Variants in ZFHX3 observed in about 807,000 individuals in gnomAD.
ZFHX3 encodes zinc finger homeobox 3, also known as zinc finger homeobox protein 3.
Under a neutral mutation model 279.1 loss-of-function variants are expected in ZFHX3, and 42 were observed. The ratio of observed to expected loss-of-function variants is 0.15; its 90% CI spans 0.12 to 0.19. The LOEUF (loss-of-function observed/expected upper bound fraction) is 0.19, where lower values mean the gene tolerates loss of function less well. Among genes scored for constraint, ZFHX3 ranks in the 10% least tolerant of loss-of-function variants. ZFHX3 has a pLI of 1.00. For missense variants in ZFHX3, 4,981 were observed against 4,754.0 expected (o/e 1.05, Z -1.40); for synonymous variants, 2,293 against 1,957.8 (o/e 1.17, Z -4.52).
At chr16:73,282,084 T>C (rs955307003) in intron 4 of ZFHX3, among the ~76,000 whole-genome samples, 1 of 152,248 alleles carries the variant, frequency 6.6e-6, no homozygotes, top group African/African-American at 2.4e-5. Flanking sequence ...TGCGCGTTTG[T>C]GTGCATCTTT....
At chr16:73,394,021 C>T (rs987790232) in intron 3 of ZFHX3, among the ~76,000 whole-genome samples, 2 of 148,334 alleles carry the variant, frequency 1.3e-5, no homozygotes, top group Non-Finnish European at 3.0e-5. Context: ...CTGTATGAAT[C>T]TAAAAACTGT....
intron 1 of ZFHX3, among the ~76,000 whole-genome samples, chr16:73,891,451 C>T (rs2030535363): frequency 6.6e-6 from 1 of 152,068 alleles, no homozygotes; most frequent in Admixed American, 6.5e-5. Context: ...CCCCACCCTC[C>T]TACCCTCCCC....
intron 2 of ZFHX3, among the ~76,000 whole-genome samples, chr16:73,566,723 T>G (rs2020456028): frequency 6.8e-6 from 1 of 146,876 alleles, no homozygotes; most frequent in Admixed American, 6.9e-5. Flanking sequence ...AGACAGAGTT[T>G]CACTCTTGTT....
At chr16:73,619,657 T>G (rs2052339343) in intron 2 of ZFHX3, among the ~76,000 whole-genome samples, 1 of 152,006 alleles carries the variant, frequency 6.6e-6, no homozygotes, top group African/African-American at 2.4e-5. Flanking sequence ...CAAGTGTATT[T>G]CTACCTTTTC....
intron 4 of ZFHX3, among the ~76,000 whole-genome samples, chr16:73,258,662 T>C (rs1487434910): frequency 6.6e-6 from 1 of 152,220 alleles, no homozygotes; most frequent in Non-Finnish European, 1.5e-5. Context: ...TGACATATTT[T>C]AAGCATTTGG....
At chr16:72,888,651 A>C (rs1319545697) in intron 4 of ZFHX3, among the ~76,000 whole-genome samples, 1 of 152,224 alleles carries the variant, frequency 6.6e-6, no homozygotes, top group Non-Finnish European at 1.5e-5. Flanking sequence ...AGCCAAGGGA[A>C]GGCAAGGGAA....
intron 1 of ZFHX3, among the ~76,000 whole-genome samples, chr16:73,704,990 T>C (rs1442978556): frequency 6.6e-6 from 1 of 152,212 alleles, no homozygotes; most frequent in Admixed American, 6.5e-5. Flanking sequence ...ACTCCCACCA[T>C]GGCTGATTTC....
chr16:73,563,192 G>C (rs2020399426), intron 2 of ZFHX3, among the ~76,000 whole-genome samples: 1 of 52,318 alleles, frequency 1.9e-5, no homozygotes, highest in African/African-American at 4.3e-5. Flanking sequence ...GTGTGTGTGT[G>C]TGTGTGTGTG....
At chr16:72,922,114 C>T (rs573927514) in intron 3 of ZFHX3, among the ~76,000 whole-genome samples, 5 of 152,338 alleles carry the variant, frequency 3.3e-5, no homozygotes, top group African/African-American at 9.6e-5. Context: ...AGCAGACCTT[C>T]GCATTTCCAC....
chr16:73,000,540 G>A (rs1963454046), intron 1 of ZFHX3, among the ~76,000 whole-genome samples: 1 of 152,152 alleles, frequency 6.6e-6, no homozygotes, highest in South Asian at 2.1e-4. Flanking sequence ...TTCGTAAGTG[G>A]TGGCATTGAG....
chr16:73,858,032 G>T (rs1482707765), intron 1 of ZFHX3, among the ~76,000 whole-genome samples: 1 of 151,634 alleles, frequency 6.6e-6, no homozygotes, highest in Non-Finnish European at 1.5e-5. Flanking sequence ...GGAGGTGGAG[G>T]TTGCAGTGAG....
At chr16:72,910,473 G>A (rs2039289979) in intron 3 of ZFHX3, among the ~76,000 whole-genome samples, 1 of 152,190 alleles carries the variant, frequency 6.6e-6, no homozygotes, top group African/African-American at 2.4e-5. Flanking sequence ...GAAGTATTTA[G>A]GTGTTTTCTC....
chr16:73,408,770 C>A (rs2017411992), intron 3 of ZFHX3, among the ~76,000 whole-genome samples: 1 of 152,018 alleles, frequency 6.6e-6, no homozygotes, highest in Non-Finnish European at 1.5e-5. Flanking sequence ...TGAGCCCTTG[C>A]TCAGAAAAGA....
intron 4 of ZFHX3, among the ~76,000 whole-genome samples, chr16:73,277,936 C>T (rs997945164): frequency 1.3e-5 from 2 of 152,052 alleles, no homozygotes; most frequent in African/African-American, 4.8e-5. Flanking sequence ...TACCTTTAAA[C>T]AACAGGATCT....
intron 1 of ZFHX3, among the ~76,000 whole-genome samples, chr16:73,739,636 G>A (rs1317620182): frequency 6.6e-6 from 1 of 152,158 alleles, no homozygotes; most frequent in African/African-American, 2.4e-5. Flanking sequence ...GTGGGGTGCA[G>A]AGTGGACTCT....
At chr16:73,566,500 G>A (rs946541255) in intron 2 of ZFHX3, among the ~76,000 whole-genome samples, 8 of 152,034 alleles carry the variant, frequency 5.3e-5, no homozygotes, top group South Asian at 2.1e-4. Flanking sequence ...TGGTGGCTCC[G>A]GTGTCCTTTG....
At position 72,849,860 on chromosome 16, in the gene ZFHX3, CAAAAAAAAAAAAAAAAAAAAAAA is replaced by C. The variant is rs542156633; in HGVS notation, c.3449-20024_3449-20002del. On this transcript the variant is annotated intron_variant, in intron 4 of 9. Transcript: ENST00000268489. ...TCTCTGCCACTTGGAGTTCACCTAC[CAAAAAAAAAAAAAAAAAAAAAAA>C]AAAAAAAAAAAAAAAAAAAAAAAAT... 2.0e-3 allele frequency among the ~76,000 whole-genome samples: 112 copies of C among 56,552 alleles called. 1 individual carries two copies. The highest frequency in any genetic ancestry group is 5.4e-3 in the South Asian group (5 of 934). The allele number at this position is 56,552 out of a possible 152,430, so 37.1% of individuals were successfully genotyped here.
At chr16:73,315,505 G>T (rs1363401075) in intron 4 of ZFHX3, among the ~76,000 whole-genome samples, 5 of 152,090 alleles carry the variant, frequency 3.3e-5, no homozygotes, top group Non-Finnish European at 7.4e-5. Context: ...ACCATCCAAA[G>T]CCATCCTCCT....
intron 4 of ZFHX3, among the ~76,000 whole-genome samples, chr16:72,865,373 C>G (rs962668747): frequency 1.3e-5 from 2 of 152,208 alleles, no homozygotes; most frequent in African/African-American, 4.8e-5. Flanking sequence ...CCCGTTCAGC[C>G]CCGAGTTGGG....
Sources: gnomAD v4.1 joint callset for allele counts (sites outside exome capture counted in the v4.1 genomes callset) on GRCh38, gnomAD v4.1.1 for gene constraint, MANE v1.5 for transcripts, NCBI Gene and HGNC (gene_info 2026-07-23, HGNC 2026-07-21) for gene names.